The following DNAJB11 variants were observed in gnomAD, a reference collection of about 807,000 sequenced individuals.
DNAJB11 encodes DnaJ heat shock protein family (Hsp40) member B11, also known as dnaJ homolog subfamily B member 11.
A neutral mutation model predicts 47.2 loss-of-function variants in DNAJB11; 30 were observed. That is an observed-to-expected ratio of 0.64 (90% CI 0.48 to 0.86). The LOEUF (loss-of-function observed/expected upper bound fraction) is 0.86. Ranked by LOEUF, DNAJB11 falls within the 40% of genes least tolerant of loss-of-function variation. DNAJB11 has a pLI of 0.00. For synonymous variants in DNAJB11, 151 were observed against 159.9 expected (o/e 0.94, Z 0.42); for missense variants, 357 against 440.2 (o/e 0.81, Z 1.69).
At chr3:186,575,354 T>TGCGCGCGCGCGCGC (rs368559871) in intron 2 of DNAJB11, among the ~76,000 whole-genome samples, 1 of 129,440 alleles carries the variant, frequency 7.7e-6, no homozygotes, top group African/African-American at 3.0e-5. Flanking sequence ...TCCTAATACA[T>TGCGCGCGCGCGCGC]GCGCGCGCGC....
intron 1 of DNAJB11, 72 bp downstream of exon 1, chr3:186,571,037 G>GC: frequency 4.3e-6 from 4 of 940,414 alleles, no homozygotes; most frequent in Non-Finnish European, 6.3e-6. Flanking sequence ...GGGGGTGGGG[G>GC]AAGTGGCATT....
chr3:186,571,022 TG>T, intron 1 of DNAJB11, 57 bp downstream of exon 1: 1 of 208,314 alleles, frequency 4.8e-6, no homozygotes, highest in Non-Finnish European at 9.4e-6. Flanking sequence ...TGCTGGGGGG[TG>T]GGAGGGGGTG....
chr3:186,580,791 TAGAG>T (rs1715456348), intron 4 of DNAJB11: 1 of 152,310 alleles, frequency 6.6e-6, no homozygotes, highest in Non-Finnish European at 1.5e-5. Flanking sequence ...TTTACATTCT[TAGAG>T]GGATCAGAAT....
intron 3 of DNAJB11, among the ~76,000 whole-genome samples, chr3:186,576,351 A>G (rs1031831004): frequency 6.6e-6 from 1 of 152,206 alleles, no homozygotes; most frequent in Admixed American, 6.5e-5. Context: ...GGTGATTATA[A>G]TAACCAGCAT....
Position 186,582,060 on chromosome 3 carries a change from A to G in DNAJB11, c.665A>G (p.Tyr222Cys). The G allele has an allele frequency of 6.2e-7, 1 of 1,613,410 alleles. No individual in the cohort carries two copies. ...IEPGVRDGME[Y>C]PFIGEGEPHV... ...CCTGGGGTGAGAGACGGCATGGAGT[A>G]CCCCTTTATTGGAGAAGGTGAAATA... The change falls in exon 6 of 10, where the codon TAC becomes TGC. Residue 222 changes from tyrosine to cysteine, a missense_variant. Tyr to Cys is a radical substitution (Grantham distance 194). Coordinates refer to ENST00000265028, the MANE Select transcript of DNAJB11 (RefSeq NM_016306.6).
chr3:186,574,578 T>C (rs1307036352), intron 2 of DNAJB11, among the ~76,000 whole-genome samples: 2 of 152,200 alleles, frequency 1.3e-5, no homozygotes, highest in Non-Finnish European at 2.9e-5. Context: ...TTTTCTTTCA[T>C]AGTGGCTGTA....
chr3:186,571,081 T>C, intron 1 of DNAJB11, 116 bp downstream of exon 1: 1 of 973,762 alleles, frequency 1.0e-6, no homozygotes, highest in Non-Finnish European at 1.5e-6. Flanking sequence ...GGCATCGCTG[T>C]GGGTTGGCGG....
chr3:186,582,779 T>C lies in DNAJB11; in HGVS notation c.740+6T>C, dbSNP rs200752700. On this transcript the variant is annotated splice_donor_region_variant and intron_variant, in intron 7 of 9. Transcript: ENST00000265028. ...TTCCGAATCAAAGTTGTCAAGTAAGTAATCTAATTTTAGAGGTCTTCTCAG... is the reference window on the plus strand; with the variant it reads ...TTCCGAATCAAAGTTGTCAAGTAAGCAATCTAATTTTAGAGGTCTTCTCAG... 24 of 1,570,192 alleles carry C rather than the reference T, an allele frequency of 1.5e-5. No homozygotes were observed. Among genetic ancestry groups the C allele is most frequent in the Non-Finnish European group, 2.0e-5 (23 of 1,154,916 alleles).
chr3:186,581,652 A>G (rs542069451), intron 5 of DNAJB11, 139 bp downstream of exon 5: 3 of 1,011,358 alleles, frequency 3.0e-6, no homozygotes, highest in African/African-American at 3.3e-5. Flanking sequence ...GAGCAAAACA[A>G]TGTACATTTT....
chr3:186,571,037 G>GGGGGGGGGGGGGGGGGGGGGT, intron 1 of DNAJB11, 72 bp downstream of exon 1: 1 of 940,412 alleles, frequency 1.1e-6, no homozygotes, highest in Non-Finnish European at 1.6e-6. Context: ...GGGGGTGGGG[G>GGGGGGGGGGGGGGGGGGGGGT]AAGTGGCATT....
intron 9 of DNAJB11, 21 bp downstream of exon 9, chr3:186,584,610 T>TGTGTGTGTGTGTGTGC: frequency 2.0e-6 from 3 of 1,512,096 alleles, no homozygotes; most frequent in Non-Finnish European, 2.6e-6. Context: ...TTAGTGTGTG[T>TGTGTGTGTGTGTGTGC]GTGTGTGTGT....
chr3:186,582,167 T>G (rs1020379385), intron 6 of DNAJB11, 90 bp downstream of exon 6: 27 of 967,798 alleles, frequency 2.8e-5, no homozygotes, highest in Non-Finnish European at 3.2e-6. Context: ...TTACTCCATC[T>G]TAATGTTCAC....
At chr3:186,582,149 C>A in intron 6 of DNAJB11, 72 bp downstream of exon 6, 1 of 1,133,512 alleles carries the variant, frequency 8.8e-7, no homozygotes, top group Non-Finnish European at 1.3e-6. Context: ...ATACCTTTCA[C>A]CCCTGCCTTA....
At position 186,585,663 on chromosome 3, in the gene DNAJB11, TC is replaced by T; in HGVS notation, c.*256del. The T allele has an allele frequency of 3.8e-6, 1 of 262,256 alleles. No homozygotes were observed. Among genetic ancestry groups the T allele is most frequent in the South Asian group, 6.3e-5 (1 of 15,904 alleles). 16.2% of individuals were successfully genotyped at this position (262,256 alleles called of 1,614,324 possible). A position where few individuals can be genotyped will look rare whatever the true frequency, so the allele number is the denominator to read the frequency against. Reference sequence around the variant, plus strand: ...AATGTCTGGTGCTGCCGCCTGAGTTTCAAGAATTAAAGCTGCAAGAGGACTC... The same window carrying T: ...AATGTCTGGTGCTGCCGCCTGAGTTTAAGAATTAAAGCTGCAAGAGGACTC... On this transcript the variant is annotated 3_prime_UTR_variant, in exon 10 of 10. Coordinates refer to ENST00000265028, the MANE Select transcript of DNAJB11 (RefSeq NM_016306.6).
chr3:186,582,910 G>A, intron 7 of DNAJB11, 137 bp downstream of exon 7: 1 of 673,552 alleles, frequency 1.5e-6, no homozygotes, highest in South Asian at 1.8e-5. Context: ...CCTCTACAAG[G>A]CTGAAAACTT....
At chr3:186,571,031 G>GGCCCGCC in intron 1 of DNAJB11, 66 bp downstream of exon 1, 1 of 1,041,144 alleles carries the variant, frequency 9.6e-7, no homozygotes, top group East Asian at 3.1e-5. Context: ...GTGGGAGGGG[G>GGCCCGCC]TGGGGGAAGT....
intron 6 of DNAJB11, 81 bp from the exon 7 acceptor site, chr3:186,582,634 TA>T (rs1303468839): frequency 9.3e-6 from 11 of 1,180,636 alleles, no homozygotes; most frequent in Admixed American, 2.0e-5. Flanking sequence ...AGTAGTGGAT[TA>T]AAAAAATGTA....
Position 186,584,537 on chromosome 3 carries a change from C to G in DNAJB11, c.960C>G (p.Ile320Met). 1.3e-6 allele frequency: 2 copies of G among 1,598,442 alleles called. No homozygotes were observed. Among genetic ancestry groups the G allele is most frequent in the Non-Finnish European group, 1.7e-6 (2 of 1,175,442 alleles). Residue 320 changes from isoleucine to methionine, a missense_variant, in exon 9 of 10, where the codon ATC becomes ATG. Physicochemically the swap from Ile to Met is conservative, Grantham distance 10 (BLOSUM62 1). Coordinates refer to ENST00000265028, the MANE Select transcript of DNAJB11 (RefSeq NM_016306.6). ...ACAATATCAAGGGCTCTTTGATAAT[C>G]ACTTTTGATGTGGATTTTCCAAAAG... Reference protein sequence around the residue: ...DNNNIKGSLIITFDVDFPKEQ... With the variant: ...DNNNIKGSLIMTFDVDFPKEQ...
chr3:186,576,562 C>T (rs560237255), intron 3 of DNAJB11, among the ~76,000 whole-genome samples: 3 of 152,238 alleles, frequency 2.0e-5, no homozygotes, highest in Admixed American at 6.5e-5. Context: ...AAAAGATGTT[C>T]GAATCTGCAT....
Sources: gnomAD v4.1 joint callset for allele counts (sites outside exome capture counted in the v4.1 genomes callset) on GRCh38, gnomAD v4.1.1 for gene constraint, MANE v1.5 for transcripts, NCBI Gene and HGNC (gene_info 2026-07-23, HGNC 2026-07-21) for gene names.